Variants in TIAM1 observed in about 807,000 individuals in gnomAD.
The protein encoded by TIAM1 is TIAM Rac1 associated GEF 1.
In TIAM1, 65 loss-of-function variants were observed where a neutral mutation model predicts 163.5. The ratio of observed to expected loss-of-function variants is 0.40; its 90% CI spans 0.33 to 0.49. The LOEUF is 0.49. Among genes scored for constraint, TIAM1 ranks in the 20% least tolerant of loss-of-function variants. TIAM1 has a pLI of 0.77. For synonymous variants in TIAM1, 833 were observed against 810.1 expected (o/e 1.03, Z -0.48); for missense variants, 1,789 against 2,044.7 (o/e 0.87, Z 2.41).
chr21:31,482,113 A>G (rs576872895), intron 1 of TIAM1, among the ~76,000 whole-genome samples: 1 of 150,620 alleles, frequency 6.6e-6, no homozygotes, highest in Non-Finnish European at 1.5e-5. Context: ...ATATATATAC[A>G]CACATATATA....
At chr21:31,351,834 G>A (rs761508007) in intron 2 of TIAM1, among the ~76,000 whole-genome samples, 8 of 152,244 alleles carry the variant, frequency 5.3e-5, no homozygotes, top group African/African-American at 9.6e-5. Flanking sequence ...TTGGGAGGCC[G>A]AGGAGGGCAG....
At chr21:31,369,939 C>T (rs965316614) in intron 2 of TIAM1, among the ~76,000 whole-genome samples, 20 of 152,030 alleles carry the variant, frequency 1.3e-4, no homozygotes, top group African/African-American at 4.6e-4. Context: ...GAGCCAAGAT[C>T]GCGCCACTGC....
intron 12 of TIAM1, among the ~76,000 whole-genome samples, chr21:31,202,388 C>CAAA (rs11357943): frequency 7.8e-6 from 1 of 128,812 alleles, no homozygotes; most frequent in Non-Finnish European, 1.7e-5. Context: ...CCTGTCTCTA[C>CAAA]AAAAAAAAAA....
At chr21:31,353,070 A>G (rs2076260547) in intron 2 of TIAM1, among the ~76,000 whole-genome samples, 1 of 152,148 alleles carries the variant, frequency 6.6e-6, no homozygotes, top group Non-Finnish European at 1.5e-5. Context: ...ACAATTATGA[A>G]GATAAAACAA....
chr21:31,456,647 T>G (rs999216466), intron 2 of TIAM1, among the ~76,000 whole-genome samples: 14 of 152,234 alleles, frequency 9.2e-5, no homozygotes, highest in Non-Finnish European at 1.9e-4. Flanking sequence ...TTATGGTAGG[T>G]ACATAATCCC....
At chr21:31,454,625 C>CGT (rs950342414) in intron 2 of TIAM1, among the ~76,000 whole-genome samples, 2 of 152,012 alleles carry the variant, frequency 1.3e-5, no homozygotes, top group African/African-American at 4.8e-5. Flanking sequence ...AGGGCATCCA[C>CGT]GTGGGAGGAG....
chr21:31,372,372 T>C (rs1000058656), intron 2 of TIAM1, among the ~76,000 whole-genome samples: 1 of 152,146 alleles, frequency 6.6e-6, no homozygotes, highest in Non-Finnish European at 1.5e-5. Context: ...GACTCATAAT[T>C]GCTCACCACC....
chr21:31,290,837 T>C (rs1357102160), intron 2 of TIAM1, among the ~76,000 whole-genome samples: 1 of 152,046 alleles, frequency 6.6e-6, no homozygotes, highest in African/African-American at 2.4e-5. Context: ...CGAAGTCATA[T>C]CATGTGCGAG....
intron 2 of TIAM1, among the ~76,000 whole-genome samples, chr21:31,456,504 TTAAGA>T (rs1423741601): frequency 2.0e-5 from 3 of 152,232 alleles, no homozygotes; most frequent in Admixed American, 6.5e-5. Context: ...GGAAGATTTT[TTAAGA>T]TAAGATGAAA....
At chr21:31,185,529 ATATAT>A (rs1263486545) in intron 14 of TIAM1, among the ~76,000 whole-genome samples, 2 of 142,542 alleles carry the variant, frequency 1.4e-5, no homozygotes, top group Admixed American at 1.5e-4. Context: ...TGCTAATATA[ATATAT>A]TATGCCATTA....
At chr21:31,378,136 CAAAAA>C (rs367907079) in intron 2 of TIAM1, among the ~76,000 whole-genome samples, 1 of 48,156 alleles carries the variant, frequency 2.1e-5, no homozygotes, top group Admixed American at 2.4e-4. Flanking sequence ...AACTCTGTCT[CAAAAA>C]AAAAAAAAAA....
intron 1 of TIAM1, among the ~76,000 whole-genome samples, chr21:31,541,115 T>C (rs1451269699): frequency 6.6e-6 from 1 of 152,180 alleles, no homozygotes; most frequent in Non-Finnish European, 1.5e-5. Flanking sequence ...TGGGAATTTA[T>C]CCTGAGAAAA....
At chr21:31,498,871 G>A (rs62221334) in intron 1 of TIAM1, among the ~76,000 whole-genome samples, 2 of 151,860 alleles carry the variant, frequency 1.3e-5, no homozygotes, top group Non-Finnish European at 2.9e-5. Flanking sequence ...GCTTGAACCC[G>A]GGAGGCGGGG....
chr21:31,177,491 C>T (rs1410680721), intron 15 of TIAM1, among the ~76,000 whole-genome samples: 2 of 152,106 alleles, frequency 1.3e-5, no homozygotes, highest in African/African-American at 4.8e-5. Context: ...CCTGTAATCC[C>T]GGCTATTTGG....
intron 2 of TIAM1, among the ~76,000 whole-genome samples, chr21:31,367,005 A>G (rs2147146729): frequency 6.6e-6 from 1 of 152,308 alleles, no homozygotes; most frequent in South Asian, 2.1e-4. Context: ...CCACAGGAGA[A>G]TCTGTAAGGA....
At chr21:31,352,568 C>T in intron 2 of TIAM1, among the ~76,000 whole-genome samples, 1 of 146,354 alleles carries the variant, frequency 6.8e-6, no homozygotes, top group East Asian at 2.0e-4. Context: ...AAAAAAGCTG[C>T]TGGCCTGGTA....
At chr21:31,394,878 T>TC (rs1158223814) in intron 2 of TIAM1, among the ~76,000 whole-genome samples, 2 of 152,094 alleles carry the variant, frequency 1.3e-5, no homozygotes, top group Admixed American at 1.3e-4. Context: ...AGCCTTGGTT[T>TC]CTTCTTCCTT....
chr21:31,315,679 C>CAAAAAAAAAAA lies in TIAM1; in HGVS notation c.-189+23553_-189+23563dup, dbSNP rs58560437. ...GGGCAACAAGAGCAAAACTCCATCT[C>CAAAAAAAAAAA]AAAAAAAAAAAAAAAAAAAAGGACA... On this transcript the variant is annotated intron_variant, in intron 2 of 27. Coordinates refer to ENST00000541036, the MANE Select transcript of TIAM1 (RefSeq NM_001353694.2). 1.3e-3 allele frequency among the ~76,000 whole-genome samples: 104 copies of CAAAAAAAAAAA among 80,242 alleles called. 1 individual carries two copies. The highest frequency in any genetic ancestry group is 3.9e-3 in the African/African-American group (88 of 22,360). 52.6% of individuals were successfully genotyped at this position (80,242 alleles called of 152,430 possible). A position where few individuals can be genotyped will look rare whatever the true frequency, so the allele number is the denominator to read the frequency against.
chr21:31,369,310 C>A (rs1053307275), intron 2 of TIAM1, among the ~76,000 whole-genome samples: 12 of 151,772 alleles, frequency 7.9e-5, no homozygotes, highest in African/African-American at 2.9e-4. Flanking sequence ...TTGCAAGGTG[C>A]TTTGGTCTCA....
Sources: allele counts gnomAD v4.1 joint callset (sites outside exome capture counted in the v4.1 genomes callset), GRCh38; gene constraint gnomAD v4.1.1; transcripts MANE v1.5; gene names NCBI Gene and HGNC (gene_info 2026-07-23, HGNC 2026-07-21).